The following SLC30A8 variants were observed in gnomAD, a reference collection of about 807,000 sequenced individuals.
SLC30A8 encodes the protein proton-coupled zinc antiporter SLC30A8.
A neutral mutation model predicts 36.9 loss-of-function variants in SLC30A8; 27 were observed. The observed-to-expected ratio is 0.73, with a 90% CI of 0.54 to 1.01. SLC30A8 has a LOEUF of 1.01. Among genes scored for constraint, SLC30A8 ranks in the 50% least tolerant of loss-of-function variants. The pLI is 0.00. For synonymous variants in SLC30A8, 164 were observed against 172.4 expected, an observed-to-expected ratio of 0.95 and a Z score of 0.38; for missense variants, 439 against 452.0, an observed-to-expected ratio of 0.97 and a Z score of 0.26.
At chr8:117,100,102 A>G (rs920468190) in intron 2 of SLC30A8, among the ~76,000 whole-genome samples, 2 of 152,210 alleles carry the variant, frequency 1.3e-5, no homozygotes, top group African/African-American at 2.4e-5. Context: ...ACCATTTTGT[A>G]TAAATAGAAA....
At chr8:117,058,415 A>G (rs1817932318) in intron 2 of SLC30A8, among the ~76,000 whole-genome samples, 1 of 151,980 alleles carries the variant, frequency 6.6e-6, no homozygotes. Context: ...TTTTGCTTTT[A>G]TTGCCTGTGC....
At chr8:117,132,645 C>G (rs974819698), upstream of SLC30A8, among the ~76,000 whole-genome samples, 12 of 151,990 alleles carry the variant, frequency 7.9e-5, no homozygotes, top group Non-Finnish European at 1.3e-4. Flanking sequence ...GCTTGTGGAG[C>G]CCAGTTAGGC....
chr8:117,111,052 C>T (rs917347653), intron 2 of SLC30A8, among the ~76,000 whole-genome samples: 1 of 152,096 alleles, frequency 6.6e-6, no homozygotes, highest in African/African-American at 2.4e-5. Context: ...GTCACATTCT[C>T]TTAGGAAAGC....
At chr8:117,100,195 T>C (rs1289184160) in intron 2 of SLC30A8, among the ~76,000 whole-genome samples, 1 of 152,214 alleles carries the variant, frequency 6.6e-6, no homozygotes, top group Non-Finnish European at 1.5e-5. Context: ...TCTTTACATA[T>C]ATATCATTTA....
intron 2 of SLC30A8, among the ~76,000 whole-genome samples, chr8:117,112,539 TC>T (rs1476248252): frequency 2.6e-5 from 4 of 152,082 alleles, no homozygotes; most frequent in Non-Finnish European, 5.9e-5. Context: ...TAATTTCAGC[TC>T]TGCCGGAGAG....
chr8:117,085,800 C>T lies in SLC30A8; in HGVS notation c.-226+46542C>T, dbSNP rs144845398. ...TAATACAAGCTAATAAATGGTAGAC[C>T]CAAGAGTTGAACTAGGGTAGTCTGA... On this transcript the variant is annotated intron_variant, in intron 2 of 10. Transcript: ENST00000427715. 5.8e-3 allele frequency among the ~76,000 whole-genome samples: 883 copies of T among 152,030 alleles called. 7 individuals are homozygous for T. The highest frequency in any genetic ancestry group is 0.045 in the South Asian group (217 of 4,816).
chr8:117,108,263 G>A (rs1448590238), intron 2 of SLC30A8, among the ~76,000 whole-genome samples: 3 of 152,296 alleles, frequency 2.0e-5, no homozygotes, highest in East Asian at 1.9e-4. Flanking sequence ...TGGTTGGGAA[G>A]TCTATAGAAG....
intron 2 of SLC30A8, among the ~76,000 whole-genome samples, chr8:117,072,063 C>T (rs547841544): frequency 6.6e-5 from 10 of 152,254 alleles, no homozygotes; most frequent in South Asian, 4.1e-4. Context: ...CATTAACATA[C>T]GATTGGAGGG....
At chr8:117,153,565 A>G (rs900170629) in intron 3 of SLC30A8, among the ~76,000 whole-genome samples, 1 of 152,184 alleles carries the variant, frequency 6.6e-6, no homozygotes, top group Non-Finnish European at 1.5e-5. Flanking sequence ...CATTGGTCCA[A>G]TTGAATATCT....
intron 2 of SLC30A8, among the ~76,000 whole-genome samples, chr8:117,062,854 G>A (rs966450699): frequency 2.0e-5 from 3 of 152,214 alleles, no homozygotes; most frequent in Non-Finnish European, 4.4e-5. Context: ...TTTACCCATA[G>A]TTTTCGTCCA....
rs772307666 is a variant in SLC30A8 at position 117,171,187 on chromosome 8, C to A, written c.964+19C>A. The A allele has an allele frequency of 6.2e-7, 1 of 1,613,082 alleles. No individual in the cohort carries two copies. The highest frequency in any genetic ancestry group is 1.1e-5 in the South Asian group (1 of 91,070). On this transcript the variant is annotated intron_variant, in intron 7 of 7. Coordinates refer to ENST00000456015, the MANE Select transcript of SLC30A8 (RefSeq NM_173851.3). ...GCTACAGGTCAGTGAGTTTTGTAAA[C>A]ACCCTGGAAAAAATTCAGTCCTTGT...
upstream of SLC30A8, among the ~76,000 whole-genome samples, chr8:117,133,796 G>A (rs184730278): frequency 2.0e-5 from 3 of 151,988 alleles, no homozygotes; most frequent in East Asian, 3.9e-4. Flanking sequence ...AAGAATATAC[G>A]AGAAAAAATA....
intron 2 of SLC30A8, among the ~76,000 whole-genome samples, chr8:117,044,206 G>C (rs753138721): frequency 8.5e-5 from 13 of 152,152 alleles, no homozygotes; most frequent in South Asian, 2.1e-4. Context: ...GGGTATCCGC[G>C]TACACAAAGG....
intron 2 of SLC30A8, among the ~76,000 whole-genome samples, chr8:117,071,626 A>G (rs1043705596): frequency 2.6e-5 from 4 of 151,778 alleles, no homozygotes; most frequent in Non-Finnish European, 4.4e-5. Flanking sequence ...CATTGCCTCA[A>G]CCCATGCCAT....
chr8:117,122,638 G>A (rs1820737231), intron 2 of SLC30A8, among the ~76,000 whole-genome samples: 1 of 151,988 alleles, frequency 6.6e-6, no homozygotes, highest in South Asian at 2.1e-4. Flanking sequence ...AGTTGAGGTA[G>A]GCAATTTTAA....
intron 2 of SLC30A8, among the ~76,000 whole-genome samples, chr8:117,094,449 A>G (rs562433449): frequency 7.9e-5 from 12 of 152,000 alleles, no homozygotes; most frequent in Non-Finnish European, 1.2e-4. Flanking sequence ...AGACCCTGGA[A>G]TGGGCCGCTC....
intron 1 of SLC30A8, among the ~76,000 whole-genome samples, chr8:117,009,794 G>C (rs2062948): frequency 1.4e-3 from 218 of 152,286 alleles, no homozygotes; most frequent in African/African-American, 5.0e-3. Flanking sequence ...TACCTGGGAA[G>C]ATTGTTGACT....
intron 2 of SLC30A8, among the ~76,000 whole-genome samples, chr8:117,065,993 A>T (rs1216634866): frequency 6.6e-6 from 1 of 152,122 alleles, no homozygotes; most frequent in Admixed American, 6.5e-5. Context: ...CCCATTCTGT[A>T]TTATTCCTTC....
chr8:116,972,466 A>G (rs540103243), intron 1 of SLC30A8, among the ~76,000 whole-genome samples: 1 of 152,380 alleles, frequency 6.6e-6, no homozygotes, highest in African/African-American at 2.4e-5. Flanking sequence ...GGTTAGGACC[A>G]TGGGAAGAGA....
Sources: gnomAD v4.1 joint callset for allele counts (sites outside exome capture counted in the v4.1 genomes callset) on GRCh38, gnomAD v4.1.1 for gene constraint, MANE v1.5 for transcripts, NCBI Gene and HGNC (gene_info 2026-07-23, HGNC 2026-07-21) for gene names.